The following CHLSN variants were observed in gnomAD, a reference collection of about 807,000 sequenced individuals.
The protein encoded by CHLSN is cholesin.
At chr7:998,831 G>A in the CHLSN span, among the ~76,000 whole-genome samples, 3 of 152,130 alleles carry the variant, frequency 2.0e-5, no homozygotes, top group South Asian at 4.1e-4. Context: ...AGAAACTGTT[G>A]CCTCACCCAA....
chr7:1,055,303 G>A, the CHLSN span: 2 of 471,094 alleles, frequency 4.2e-6, no homozygotes, highest in East Asian at 1.4e-4. Flanking sequence ...GCATCCTGGG[G>A]CCCTCACACG....
the CHLSN span, among the ~76,000 whole-genome samples, chr7:1,007,017 C>T: frequency 6.6e-5 from 10 of 152,212 alleles, no homozygotes; most frequent in Non-Finnish European, 8.8e-5. Context: ...GACCCGGGTT[C>T]TAGGGACGGG....
At chr7:1,017,479 C>T in the CHLSN span, among the ~76,000 whole-genome samples, 754 of 152,174 alleles carry the variant, frequency 5.0e-3, 7 homozygotes, top group African/African-American at 0.017. Flanking sequence ...CGATGTCAGC[C>T]GGGTGACGGG....
At chr7:1,103,837 G>A in the CHLSN span, among the ~76,000 whole-genome samples, 65 of 152,372 alleles carry the variant, frequency 4.3e-4, no homozygotes, top group East Asian at 3.3e-3. Flanking sequence ...TGCCCAACCC[G>A]GAACTAGCTT....
At chr7:1,014,628 T>A in the CHLSN span, among the ~76,000 whole-genome samples, 1 of 152,264 alleles carries the variant, frequency 6.6e-6, no homozygotes, top group African/African-American at 2.4e-5. Context: ...ACAGGAAACG[T>A]GGGACAAACA....
the CHLSN span, among the ~76,000 whole-genome samples, chr7:1,022,244 C>T: frequency 2.0e-5 from 3 of 152,320 alleles, no homozygotes; most frequent in South Asian, 2.1e-4. Context: ...GAGGCATGTC[C>T]CCACCCACGG....
At chr7:1,101,390 G>A in the CHLSN span, among the ~76,000 whole-genome samples, 1 of 152,224 alleles carries the variant, frequency 6.6e-6, no homozygotes, top group Admixed American at 6.5e-5. Context: ...CCCCAGAGGG[G>A]CCCAGCTACT....
chr7:1,075,289 G>A, the CHLSN span, among the ~76,000 whole-genome samples: 1 of 152,126 alleles, frequency 6.6e-6, no homozygotes, highest in African/African-American at 2.4e-5. Context: ...CAAGGTGGGC[G>A]GATCACAAGG....
the CHLSN span, among the ~76,000 whole-genome samples, chr7:1,103,006 C>T: frequency 0.038 from 5,859 of 152,304 alleles, 164 homozygotes; most frequent in South Asian, 0.058. Flanking sequence ...CGTCTAGACC[C>T]CGACCCCTTA....
chr7:984,573 A>T, the CHLSN span: 2 of 1,560,924 alleles, frequency 1.3e-6, no homozygotes, highest in African/African-American at 2.7e-5. Flanking sequence ...AGCGAGGTGG[A>T]GGTCGGTGTG....
chr7:1,111,899 C>T, the CHLSN span, among the ~76,000 whole-genome samples: 1 of 152,116 alleles, frequency 6.6e-6, no homozygotes, highest in Non-Finnish European at 1.5e-5. Context: ...TGCAGAAATC[C>T]TCAGCACACG....
At chr7:1,034,391 G>A in the CHLSN span, among the ~76,000 whole-genome samples, 853 of 135,138 alleles carry the variant, frequency 6.3e-3, 12 homozygotes, top group African/African-American at 0.02. Context: ...TAAATTTCAG[G>A]GTTTTTTTTT....
At chr7:984,076 C>T in the CHLSN span, among the ~76,000 whole-genome samples, 5 of 152,226 alleles carry the variant, frequency 3.3e-5, no homozygotes, top group African/African-American at 1.2e-4. Flanking sequence ...TCTGTGCAGA[C>T]TCTGGCCTTT....
At chr7:1,127,421 A>T in the CHLSN span, 1 of 1,580,990 alleles carries the variant, frequency 6.3e-7, no homozygotes, top group African/African-American at 1.4e-5. Context: ...GAAGACAAGG[A>T]AATGAAAGGC....
At chr7:1,051,222 T>G in the CHLSN span, among the ~76,000 whole-genome samples, 1 of 152,220 alleles carries the variant, frequency 6.6e-6, no homozygotes, top group Non-Finnish European at 1.5e-5. Flanking sequence ...CAGCCTCCCA[T>G]GAACACTGTG....
At chr7:1,095,919 C>A in the CHLSN span, among the ~76,000 whole-genome samples, 2 of 152,232 alleles carry the variant, frequency 1.3e-5, no homozygotes, top group Admixed American at 1.3e-4. Flanking sequence ...TCCTCTAAAG[C>A]CTGCTGTGCG....
the CHLSN span, among the ~76,000 whole-genome samples, chr7:994,859 C>T: frequency 2.0e-5 from 3 of 152,226 alleles, no homozygotes; most frequent in African/African-American, 7.2e-5. Context: ...TCGCTTATGG[C>T]CTTGGACACA....
chr7:1,060,634 C>T, the CHLSN span, among the ~76,000 whole-genome samples: 1 of 152,224 alleles, frequency 6.6e-6, no homozygotes, highest in Non-Finnish European at 1.5e-5. Context: ...CTCGTGAGGA[C>T]GCGGCTCTGG....
chr7:1,118,951 TA>T, the CHLSN span, among the ~76,000 whole-genome samples: 9 of 149,668 alleles, frequency 6.0e-5, no homozygotes, highest in African/African-American at 1.5e-4. Context: ...ATGAGACTCT[TA>T]AAAAAAAATA....
Sources: allele counts gnomAD v4.1 joint callset (sites outside exome capture counted in the v4.1 genomes callset), GRCh38; gene constraint gnomAD v4.1.1; transcripts MANE v1.5; gene names NCBI Gene and HGNC (gene_info 2026-07-23, HGNC 2026-07-21).